The following HCN1 variants were observed in gnomAD, a reference collection of about 807,000 sequenced individuals.
HCN1 encodes the protein hyperpolarization activated cyclic nucleotide gated potassium channel 1.
A neutral mutation model predicts 78.9 loss-of-function variants in HCN1; 13 were observed. The observed-to-expected ratio is 0.16, with a 90% CI of 0.11 to 0.26. The LOEUF is 0.26. Among genes scored for constraint, HCN1 ranks in the 10% least tolerant of loss-of-function variants. The probability of loss-of-function intolerance (pLI) is 1.00; values close to 1 mark genes in which losing one functional copy is unlikely to be tolerated. For missense variants in HCN1, 810 were observed against 1,154.3 expected (o/e 0.70, Z 4.32); for synonymous variants, 552 against 455.5 (o/e 1.21, Z -2.70).
At chr5:45,477,168 C>T (rs1349873569) in intron 2 of HCN1, among the ~76,000 whole-genome samples, 1 of 151,834 alleles carries the variant, frequency 6.6e-6, no homozygotes, top group African/African-American at 2.4e-5. Context: ...GTTCCAGAAA[C>T]AGAAAACTTC....
chr5:45,433,261 A>G (rs1740498903), intron 3 of HCN1, among the ~76,000 whole-genome samples: 2 of 152,140 alleles, frequency 1.3e-5, no homozygotes, highest in Non-Finnish European at 2.9e-5. Context: ...TGCTGGATTC[A>G]GTTTGCTAGT....
chr5:45,431,234 G>A (rs1247237030), intron 3 of HCN1, among the ~76,000 whole-genome samples: 4 of 152,104 alleles, frequency 2.6e-5, no homozygotes, highest in Admixed American at 2.6e-4. Flanking sequence ...TTGGCTGCAT[G>A]TATGTCTTCT....
intron 3 of HCN1, among the ~76,000 whole-genome samples, chr5:45,461,607 A>T (rs191291911): frequency 1.3e-5 from 2 of 152,274 alleles, no homozygotes; most frequent in Admixed American, 6.6e-5. Context: ...GTATACACAG[A>T]ATAAAATATA....
intron 5 of HCN1, among the ~76,000 whole-genome samples, chr5:45,309,575 A>G (rs748462047): frequency 1.3e-5 from 2 of 152,130 alleles, no homozygotes; most frequent in Non-Finnish European, 2.9e-5. Context: ...TTGAACATGA[A>G]GTGATGTTGA....
At position 45,623,312 on chromosome 5, in the gene HCN1, C is replaced by T. The variant is rs1745104584; in HGVS notation, c.849+21873G>A. ...GATTCCTGGAGAGAGACTAATGAGT[C>T]AGAGATGCAATCCTGCCTGCCACTA... On this transcript the variant is annotated intron_variant, in intron 2 of 7. Coordinates refer to ENST00000303230, the MANE Select transcript of HCN1 (RefSeq NM_021072.4). Among the ~76,000 whole-genome samples the T allele has an allele frequency of 3.3e-5, 5 of 152,196 alleles. No homozygotes were observed. In the South Asian group the frequency reaches 1.0e-3, roughly 32 times the overall value.
rs554525572 is a variant in HCN1 at position 45,635,340 on chromosome 5, C to T, written c.849+9845G>A. On this transcript the variant is annotated intron_variant, in intron 2 of 7. Transcript: ENST00000303230. ...ATTCCCCCATTCTCAACTCACATCT[C>T]CACAAAAACAACAAAAAGAGCAAAA... Among the ~76,000 whole-genome samples the T allele has an allele frequency of 6.6e-4, 100 of 152,096 alleles. 1 individual carries two copies. Among genetic ancestry groups the T allele is most frequent in the Non-Finnish European group, 1.0e-4 (7 of 67,944 alleles).
At chr5:45,320,115 A>C (rs533609985) in intron 5 of HCN1, among the ~76,000 whole-genome samples, 3 of 151,806 alleles carry the variant, frequency 2.0e-5, no homozygotes, top group Non-Finnish European at 4.4e-5. Flanking sequence ...ACTCCAACAC[A>C]CCCTATATTT....
At chr5:45,453,149 TAA>T (rs1423682251) in intron 3 of HCN1, among the ~76,000 whole-genome samples, 3 of 152,070 alleles carry the variant, frequency 2.0e-5, no homozygotes, top group Non-Finnish European at 2.9e-5. Context: ...TAAGTCTATA[TAA>T]GTCTCTTTTA....
At chr5:45,691,406 T>C (rs1243821636) in intron 1 of HCN1, among the ~76,000 whole-genome samples, 1 of 152,102 alleles carries the variant, frequency 6.6e-6, no homozygotes, top group East Asian at 1.9e-4. Context: ...AGTGAAACAT[T>C]TGCTAAAATT....
intron 2 of HCN1, among the ~76,000 whole-genome samples, chr5:45,554,446 T>C (rs894638048): frequency 2.0e-5 from 3 of 151,720 alleles, no homozygotes; most frequent in Non-Finnish European, 4.4e-5. Flanking sequence ...AAAAAATAAA[T>C]GTAATCCCTC....
At chr5:45,532,287 T>C (rs758721457) in intron 2 of HCN1, among the ~76,000 whole-genome samples, 3 of 152,204 alleles carry the variant, frequency 2.0e-5, no homozygotes, top group Admixed American at 6.5e-5. Context: ...CTCTATAGCA[T>C]AGAAATGTGA....
At chr5:45,451,016 C>T (rs1740908248) in intron 3 of HCN1, among the ~76,000 whole-genome samples, 1 of 152,000 alleles carries the variant, frequency 6.6e-6, no homozygotes, top group African/African-American at 2.4e-5. Context: ...TGTGTTTATC[C>T]TACTTTTGGT....
intron 5 of HCN1, among the ~76,000 whole-genome samples, chr5:45,319,945 C>A (rs1186019525): frequency 1.3e-5 from 2 of 151,730 alleles, no homozygotes; most frequent in Admixed American, 6.6e-5. Context: ...TTTCGTGAAA[C>A]CTCTAATTCA....
chr5:45,607,748 T>C (rs576417719), intron 2 of HCN1, among the ~76,000 whole-genome samples: 32 of 151,760 alleles, frequency 2.1e-4, no homozygotes, highest in African/African-American at 7.2e-4. Context: ...TTACTGCCTT[T>C]AATAAAAATT....
chr5:45,274,549 G>A (rs1212914841), intron 6 of HCN1, among the ~76,000 whole-genome samples: 1 of 152,136 alleles, frequency 6.6e-6, no homozygotes. Flanking sequence ...CACATTGTGG[G>A]TACTCGTAAA....
In HCN1 at chr5:45,302,631, T is replaced by A. The variant is rs193201614; in HGVS notation, c.1618+968A>T. Among the ~76,000 whole-genome samples the A allele has an allele frequency of 2.8e-4, 42 of 150,900 alleles. 1 individual carries two copies. The East Asian group carries it at 5.1e-3, about 18-fold the overall frequency. On this transcript the variant is annotated intron_variant, in intron 6 of 7. Coordinates refer to ENST00000303230, the MANE Select transcript of HCN1 (RefSeq NM_021072.4). Reference sequence around the variant, plus strand: ...ATGTGTAGAAACATATATATATATTTTATATATATAATTTTAATAAAAATT... The same window carrying A: ...ATGTGTAGAAACATATATATATATTATATATATATAATTTTAATAAAAATT...
At chr5:45,623,730 C>T (rs1745112191) in intron 2 of HCN1, among the ~76,000 whole-genome samples, 1 of 152,032 alleles carries the variant, frequency 6.6e-6, no homozygotes, top group African/African-American at 2.4e-5. Context: ...AATAATGAAA[C>T]AAAATCTCAT....
chr5:45,336,250 C>G (rs1328509649), intron 5 of HCN1, among the ~76,000 whole-genome samples: 2 of 151,914 alleles, frequency 1.3e-5, no homozygotes, highest in Non-Finnish European at 2.9e-5. Flanking sequence ...CAGAGCGCAA[C>G]CAGAGAGTAC....
intron 2 of HCN1, among the ~76,000 whole-genome samples, chr5:45,504,376 T>A (rs982639872): frequency 2.0e-5 from 3 of 152,138 alleles, no homozygotes; most frequent in Non-Finnish European, 2.9e-5. Context: ...TTGCGATAGT[T>A]TGCTGAGAAT....
Sources: gnomAD v4.1 joint callset for allele counts (sites outside exome capture counted in the v4.1 genomes callset) on GRCh38, gnomAD v4.1.1 for gene constraint, MANE v1.5 for transcripts, NCBI Gene and HGNC (gene_info 2026-07-23, HGNC 2026-07-21) for gene names.